The following SPRING1 variants were observed in gnomAD, a reference collection of about 807,000 sequenced individuals.
SPRING1 encodes SREBF pathway regulator in golgi 1.
In SPRING1, 14 loss-of-function variants were observed where a neutral mutation model predicts 24.7. The ratio of observed to expected loss-of-function variants is 0.57; its 90% CI spans 0.37 to 0.88. SPRING1 has a LOEUF of 0.88. Among genes scored for constraint, SPRING1 ranks in the 40% least tolerant of loss-of-function variants. The pLI is 0.00. For missense variants in SPRING1, 255 were observed against 268.4 expected (o/e 0.95, Z 0.35); for synonymous variants, 93 against 106.1 (o/e 0.88, Z 0.76).
intron 2 of SPRING1, 38 bp downstream of exon 2, chr12:116,723,029 C>T (rs779847158): frequency 1.2e-6 from 2 of 1,611,654 alleles, no homozygotes; most frequent in Non-Finnish European, 1.7e-6. Context: ...CCAGCCTACG[C>T]TCCTGACCGC....
intron 1 of SPRING1, among the ~76,000 whole-genome samples, chr12:116,724,857 C>T (rs934754214): frequency 2.6e-5 from 4 of 152,212 alleles, no homozygotes; most frequent in African/African-American, 9.6e-5. Flanking sequence ...AAAACAAATT[C>T]TGATTCCTAA....
intron 1 of SPRING1, among the ~76,000 whole-genome samples, chr12:116,727,539 G>A (rs533640172): frequency 6.6e-6 from 1 of 152,152 alleles, no homozygotes; most frequent in East Asian, 1.9e-4. Flanking sequence ...AGTAAAGCAC[G>A]GAAACATAAG....
intron 1 of SPRING1, among the ~76,000 whole-genome samples, chr12:116,735,658 G>A (rs990835155): frequency 2.5e-4 from 38 of 152,054 alleles, no homozygotes; most frequent in African/African-American, 7.5e-4. Flanking sequence ...GCTTGAACCC[G>A]AGAGGTAGAG....
chr12:116,729,006 T>A (rs779494388), intron 1 of SPRING1, among the ~76,000 whole-genome samples: 5 of 152,244 alleles, frequency 3.3e-5, no homozygotes, highest in Non-Finnish European at 5.9e-5. Context: ...ACATAAATCC[T>A]TAAAATGTTT....
rs188909310 is a variant in SPRING1, at chr12:116,715,605, C to T, written c.*2205G>A. On this transcript the variant is annotated 3_prime_UTR_variant, in exon 5 of 5. Transcript: ENST00000261318. ...AATTTGGGTGTTTATGCCGCCTCGC[C>T]CCTCTTTTGGCCTGGACAATTGAAA... 3.3e-5 allele frequency: 5 copies of T among 152,370 alleles called. No homozygotes were observed. In the East Asian group the frequency reaches 9.6e-4, roughly 29 times the overall value. The allele number at this position is 152,370 out of a possible 1,614,324, so 9.4% of individuals were successfully genotyped here.
chr12:116,724,366 C>T (rs1245804943), intron 1 of SPRING1, among the ~76,000 whole-genome samples: 1 of 152,134 alleles, frequency 6.6e-6, no homozygotes, highest in Non-Finnish European at 1.5e-5. Context: ...ATGGAAAACA[C>T]CAATGTATAG....
In SPRING1 at chr12:116,715,067, C is replaced by T. The variant is rs950680300; in HGVS notation, c.*2743G>A. 1 of 151,808 alleles carries T rather than the reference C, an allele frequency of 6.6e-6. No homozygotes were observed. Among genetic ancestry groups the T allele is most frequent in the Non-Finnish European group, 1.5e-5 (1 of 68,004 alleles). 9.4% of individuals were successfully genotyped at this position (151,808 alleles called of 1,614,324 possible). A position where few individuals can be genotyped will look rare whatever the true frequency, so the allele number is the denominator to read the frequency against. ...TTTTCTTTTTTTTGAGACAGAGTCT[C>T]ACAAAAACAGGCACACGCCCCCACA... On this transcript the variant is annotated 3_prime_UTR_variant, in exon 5 of 5. Coordinates refer to ENST00000261318, the MANE Select transcript of SPRING1 (RefSeq NM_024738.4).
chr12:116,723,937 C>T (rs899962424), intron 1 of SPRING1, among the ~76,000 whole-genome samples: 4 of 152,076 alleles, frequency 2.6e-5, no homozygotes, highest in Non-Finnish European at 5.9e-5. Flanking sequence ...CGCTAGGAGC[C>T]AGCTTACAAA....
In SPRING1 at chr12:116,720,466, C is replaced by T; in HGVS notation, c.269-19G>A. ...ACGTAGCCTGAAAGTCAGAGACCAA[C>T]CTTAGCATAAAACCAGCAGCCTTGC... On this transcript the variant is annotated intron_variant, in intron 2 of 4. Transcript: ENST00000261318. The surrounding 1 kb of genome is among the most constrained non-coding windows in gnomAD (Gnocchi z 4.0). 6.2e-7 allele frequency: 1 copy of T among 1,612,198 alleles called. No homozygotes were observed. The highest frequency in any genetic ancestry group is 1.3e-5 in the African/African-American group (1 of 74,986).
In SPRING1 at chr12:116,716,632, C is replaced by A. The variant is rs975437316; in HGVS notation, c.*1178G>T. ...TTTATGCCTGTGGATTCAGGACACA[C>A]CAGCAACCTACACGTGTAGCATTCT... On this transcript the variant is annotated 3_prime_UTR_variant, in exon 5 of 5. Transcript: ENST00000261318. The A allele has an allele frequency of 6.6e-6, 1 of 152,532 alleles. No individual in the cohort carries two copies. The highest frequency in any genetic ancestry group is 1.5e-5 in the Non-Finnish European group (1 of 68,026). The allele number at this position is 152,532 out of a possible 1,614,324, so 9.4% of individuals were successfully genotyped here.
At chr12:116,732,885 G>C (rs1279053217) in intron 1 of SPRING1, among the ~76,000 whole-genome samples, 2 of 152,182 alleles carry the variant, frequency 1.3e-5, no homozygotes, top group Admixed American at 6.5e-5. Context: ...GTAGCCCTAA[G>C]CACAAGGAAT....
rs557366176 is a variant in SPRING1 at position 116,715,341 on chromosome 12, C to T, written c.*2469G>A. ...TGGGCAAACAAAACTTAGACAAGGT[C>T]CCTGATTCTAGAAACCCTCGGTCGA... On this transcript the variant is annotated 3_prime_UTR_variant, in exon 5 of 5. Coordinates refer to ENST00000261318, the MANE Select transcript of SPRING1 (RefSeq NM_024738.4). The T allele has an allele frequency of 5.9e-5, 9 of 152,338 alleles. No homozygotes were observed. Among genetic ancestry groups the T allele is most frequent in the East Asian group, 1.9e-4 (1 of 5,166 alleles). 9.4% of individuals were successfully genotyped at this position (152,338 alleles called of 1,614,324 possible).
rs1407027150 is a variant in SPRING1, at chr12:116,716,240, G to A, written c.*1570C>T. On this transcript the variant is annotated 3_prime_UTR_variant, in exon 5 of 5. Coordinates refer to ENST00000261318, the MANE Select transcript of SPRING1 (RefSeq NM_024738.4). ...CTTCTAGGAAAACTTATTTAAGGGAGGCAAATAATTTGGGGAGATGAGTAT... is the reference window on the plus strand; with the variant it reads ...CTTCTAGGAAAACTTATTTAAGGGAAGCAAATAATTTGGGGAGATGAGTAT... 6.6e-6 allele frequency: 1 copy of A among 152,134 alleles called. No individual in the cohort carries two copies. The highest frequency in any genetic ancestry group is 2.4e-5 in the African/African-American group (1 of 41,412). 9.4% of individuals were successfully genotyped at this position (152,134 alleles called of 1,614,324 possible).
chr12:116,737,856 C>A lies in SPRING1; in HGVS notation c.45G>T (p.Lys15Asn). The A allele has an allele frequency of 6.3e-7, 1 of 1,584,078 alleles. No homozygotes were observed. Among genetic ancestry groups the A allele is most frequent in the Non-Finnish European group, 8.6e-7 (1 of 1,166,240 alleles). Residue 15 changes from lysine to asparagine, a missense_variant, in exon 1 of 5, where the codon AAG becomes AAT. By Grantham distance (94) the Lys-to-Asn change is moderately conservative. Transcript: ENST00000261318. The part of the protein sequence containing the change: ...AAMVWRRLLR[K>N]RWVLALVFGL... ...CGAAGACCAGGGCGAGCACCCACCT[C>A]TTCCGCAGAAGCCGGCGCCACACCA... is the stretch of plus-strand genomic sequence containing the variant.
chr12:116,730,418 G>A (rs1278179855), intron 1 of SPRING1, among the ~76,000 whole-genome samples: 3 of 151,196 alleles, frequency 2.0e-5, no homozygotes, highest in African/African-American at 4.9e-5. Flanking sequence ...TGGCCAGACT[G>A]GTCTGAAACT....
At chr12:116,718,171 G>A (rs537995441) in intron 4 of SPRING1, among the ~76,000 whole-genome samples, 1 of 152,286 alleles carries the variant, frequency 6.6e-6, no homozygotes, top group East Asian at 1.9e-4. Flanking sequence ...ACTTTGCTGT[G>A]ACCTGGTGAC....
intron 1 of SPRING1, among the ~76,000 whole-genome samples, chr12:116,731,850 T>G (rs556946401): frequency 1.6e-4 from 24 of 152,126 alleles, no homozygotes; most frequent in Non-Finnish European, 2.9e-4. Flanking sequence ...CTAACATGGG[T>G]AAGCCGAGGG....
chr12:116,730,385 G>A (rs1222914648), intron 1 of SPRING1, among the ~76,000 whole-genome samples: 1 of 151,672 alleles, frequency 6.6e-6, no homozygotes, highest in African/African-American at 2.4e-5. Context: ...TGTATTTTTA[G>A]TAGAAACAGG....
chr12:116,726,543 T>C (rs1026808409), intron 1 of SPRING1, among the ~76,000 whole-genome samples: 4 of 152,174 alleles, frequency 2.6e-5, no homozygotes, highest in African/African-American at 9.7e-5. Flanking sequence ...ACATCTGTAT[T>C]CCTCAGTTAT....
Sources: allele counts gnomAD v4.1 joint callset (sites outside exome capture counted in the v4.1 genomes callset), GRCh38; gene constraint gnomAD v4.1.1; non-coding constraint Gnocchi (gnomAD v3.1); transcripts MANE v1.5; gene names NCBI Gene and HGNC (gene_info 2026-07-23, HGNC 2026-07-21).